PTPN2: variants seen among roughly 807,000 people sequenced by gnomAD.
PTPN2 encodes the protein protein tyrosine phosphatase non-receptor type 2.
Under a neutral mutation model 57.3 loss-of-function variants are expected in PTPN2, and 19 were observed. That is an observed-to-expected ratio of 0.33 (90% CI 0.23 to 0.49). The LOEUF (loss-of-function observed/expected upper bound fraction) is 0.49, where lower values mean the gene tolerates loss of function less well. Ranked by LOEUF, PTPN2 falls within the 20% of genes least tolerant of loss-of-function variation. The pLI, the probability that PTPN2 is intolerant of heterozygous loss-of-function variation, is 0.99. For missense variants in PTPN2, 358 were observed against 501.1 expected, an observed-to-expected ratio of 0.71 and a Z score of 2.73; for synonymous variants, 153 against 164.9, an observed-to-expected ratio of 0.93 and a Z score of 0.55.
rs1320029323 is a variant in PTPN2, at chr18:12,883,872, T to C, written c.69+201A>G. 7.5e-5 allele frequency: 14 copies of C among 186,532 alleles called. No individual in the cohort carries two copies. The Admixed American group carries it at 8.4e-4, about 11-fold the overall frequency. The allele number at this position is 186,532 out of a possible 1,614,324, so 11.6% of individuals were successfully genotyped here. The stretch of plus-strand genomic sequence containing the variant: ...ATGAGCTGCTCAGCTCAAGTATGCT[T>C]TTTTTTTTTTTTTTTTTAAACCAAA... On this transcript the variant is annotated intron_variant, in intron 1 of 8. Coordinates refer to ENST00000309660, the MANE Select transcript of PTPN2 (RefSeq NM_002828.4).
intron 4 of PTPN2, among the ~76,000 whole-genome samples, chr18:12,829,377 T>C (rs1394252837): frequency 6.6e-6 from 1 of 151,628 alleles, no homozygotes; most frequent in Non-Finnish European, 1.5e-5. Context: ...TGGTGGTGGG[T>C]GCTTGTAATC....
At chr18:12,883,486 C>T (rs906932072) in intron 1 of PTPN2, 1 of 151,512 alleles carries the variant, frequency 6.6e-6, no homozygotes, top group Non-Finnish European at 1.5e-5. Context: ...TCGCAGAGGG[C>T]TGCGGCGGCC....
At chr18:12,789,450 T>C (rs769973479), downstream of PTPN2, among the ~76,000 whole-genome samples, 31 of 152,242 alleles carry the variant, frequency 2.0e-4, no homozygotes, top group Non-Finnish European at 3.8e-4. Flanking sequence ...CATGTAAATA[T>C]GCCAAAGCCA....
intron 2 of PTPN2, chr18:12,841,084 A>C: frequency 1.0e-6 from 1 of 965,328 alleles, no homozygotes; most frequent in Non-Finnish European, 1.4e-6. Context: ...TTAAGCCGTG[A>C]CTCTGAGTAC....
chr18:12,816,018 C>T (rs1480409873), intron 6 of PTPN2, among the ~76,000 whole-genome samples: 1 of 152,098 alleles, frequency 6.6e-6, no homozygotes, highest in Non-Finnish European at 1.5e-5. Context: ...GAACACCAGT[C>T]TTGTGTCAAG....
At chr18:12,811,429 C>T (rs1357573905) in intron 7 of PTPN2, among the ~76,000 whole-genome samples, 1 of 152,104 alleles carries the variant, frequency 6.6e-6, no homozygotes, top group Non-Finnish European at 1.5e-5. Context: ...TGGACCACTT[C>T]CCAGAATATG....
At chr18:12,820,972 T>C (rs2042251624) in intron 5 of PTPN2, among the ~76,000 whole-genome samples, 2 of 152,220 alleles carry the variant, frequency 1.3e-5, no homozygotes, top group South Asian at 4.1e-4. Context: ...ACAGGAATTG[T>C]TAGGCCACAG....
intron 1 of PTPN2, among the ~76,000 whole-genome samples, chr18:12,869,701 A>G (rs1170330912): frequency 6.6e-6 from 1 of 152,218 alleles, no homozygotes; most frequent in African/African-American, 2.4e-5. Context: ...ATCTTCTGTT[A>G]AATTTTAATT....
At chr18:12,883,986 C>G (rs935605456) in intron 1 of PTPN2, 87 bp downstream of exon 1, 335 of 1,205,196 alleles carry the variant, frequency 2.8e-4, no homozygotes, top group Non-Finnish European at 4.0e-5. Flanking sequence ...AGGCGAGAGG[C>G]GGGGGAGGCG....
intron 1 of PTPN2, among the ~76,000 whole-genome samples, chr18:12,874,674 G>A: frequency 6.6e-6 from 1 of 150,632 alleles, no homozygotes; most frequent in Admixed American, 6.6e-5. Context: ...CCCCGTCCGG[G>A]AGGGAGGTGG....
chr18:12,883,177 GC>G (rs1418114508), intron 1 of PTPN2, among the ~76,000 whole-genome samples: 1 of 152,178 alleles, frequency 6.6e-6, no homozygotes, highest in African/African-American at 2.4e-5. Flanking sequence ...ATTTGAGGGG[GC>G]TTGCAAGAGG....
At chr18:12,881,289 C>T (rs9954806) in intron 1 of PTPN2, among the ~76,000 whole-genome samples, 57 of 152,232 alleles carry the variant, frequency 3.7e-4, no homozygotes, top group African/African-American at 1.4e-3. Flanking sequence ...ACAAAAAAAT[C>T]AACCGGGCAT....
Position 12,817,281 on chromosome 18 carries a change from T to G in PTPN2, c.580A>C (p.Asn194His). The change falls in exon 6 of 9, where the codon AAT becomes CAT. Residue 194 changes from asparagine to histidine, a missense_variant. This residue lies in a region of PTPN2 where 193 missense variants were observed against 315.4 expected (regional missense o/e 0.61). Transcript: ENST00000309660. ...GVPESPASFL[N>H]FLFKVRESGS... ...GATTCTCTCACTTTAAACAAGAAAT[T>G]GAGAAATGAAGCTGGTGATTCAGGG... 6.2e-7 allele frequency: 1 copy of G among 1,613,982 alleles called. No homozygotes were observed. The highest frequency in any genetic ancestry group is 1.1e-5 in the South Asian group (1 of 91,068).
chr18:12,786,017 A>C, intron 9 of PTPN2: 1 of 591,208 alleles, frequency 1.7e-6, no homozygotes, highest in Non-Finnish European at 2.9e-6. Context: ...CTTAGGGTAA[A>C]ACGGCTGGGG....
intron 4 of PTPN2, 83 bp from the exon 5 acceptor site, chr18:12,826,027 G>T (rs994638788): frequency 9.0e-7 from 1 of 1,110,568 alleles, no homozygotes. Context: ...AAACAAACCA[G>T]ATATATACAT....
chr18:12,856,895 A>G (rs2043607061), intron 2 of PTPN2, among the ~76,000 whole-genome samples: 1 of 151,830 alleles, frequency 6.6e-6, no homozygotes, highest in African/African-American at 2.4e-5. Flanking sequence ...CTCCATCTCT[A>G]CTAAAAATAC....
intron 2 of PTPN2, among the ~76,000 whole-genome samples, chr18:12,851,788 T>G (rs1327927252): frequency 6.6e-6 from 1 of 152,190 alleles, no homozygotes; most frequent in Non-Finnish European, 1.5e-5. Flanking sequence ...AAAGTATGTT[T>G]ATTTGAGAAT....
At position 12,794,112 on chromosome 18, in the gene PTPN2, G is replaced by C. The variant is rs1016113663; in HGVS notation, c.*166C>G. The C allele has an allele frequency of 6.3e-6, 9 of 1,439,078 alleles. No homozygotes were observed. The Admixed American group carries it at 8.7e-5, about 14-fold the overall frequency. The allele number at this position is 1,439,078 out of a possible 1,614,324, so 89.1% of individuals were successfully genotyped here. A position where few individuals can be genotyped will look rare whatever the true frequency, so the allele number is the denominator to read the frequency against. On this transcript the variant is annotated 3_prime_UTR_variant, in exon 9 of 9. Coordinates refer to ENST00000309660, the MANE Select transcript of PTPN2 (RefSeq NM_002828.4). ...GGGGTTCAGAGGAACCTGCAGTCAAGAGTCCTGAGATGTTGGGCTTGTGAC... is the reference window on the plus strand; with the variant it reads ...GGGGTTCAGAGGAACCTGCAGTCAACAGTCCTGAGATGTTGGGCTTGTGAC...
chr18:12,841,521 T>C (rs944515800), intron 2 of PTPN2, among the ~76,000 whole-genome samples: 1 of 152,240 alleles, frequency 6.6e-6, no homozygotes, highest in Non-Finnish European at 1.5e-5. Context: ...GCGGTGGGAA[T>C]GTAAAGAGTA....
Sources: gnomAD v4.1 joint callset for allele counts (sites outside exome capture counted in the v4.1 genomes callset) on GRCh38, gnomAD v4.1.1 for gene constraint, gnomAD v4.1.1 regional missense constraint, MANE v1.5 for transcripts, NCBI Gene and HGNC (gene_info 2026-07-23, HGNC 2026-07-21) for gene names.